CNOT4: variants seen among roughly 807,000 people sequenced by gnomAD.
CNOT4 encodes the protein CCR4-associated factor 4.
Under a neutral mutation model 73.8 loss-of-function variants are expected in CNOT4, and 8 were observed. The ratio of observed to expected loss-of-function variants is 0.11; its 90% confidence interval spans 0.06 to 0.20. The LOEUF is 0.20. CNOT4 is among the 10% of genes least tolerant of loss of function. The probability of loss-of-function intolerance (pLI) is 1.00; values close to 1 mark genes in which losing one functional copy is unlikely to be tolerated. For missense variants in CNOT4, 564 were observed against 883.4 expected, an observed-to-expected ratio of 0.64 and a Z score of 4.58; for synonymous variants, 293 against 321.1, an observed-to-expected ratio of 0.91 and a Z score of 0.94.
At chr7:135,498,929 C>G (rs545210198) in intron 1 of CNOT4, among the ~76,000 whole-genome samples, 1 of 152,278 alleles carries the variant, frequency 6.6e-6, no homozygotes, top group East Asian at 1.9e-4. Flanking sequence ...AAGCATTTAA[C>G]TCATATAGGT....
chr7:135,431,641 G>A lies in CNOT4; in HGVS notation c.174+6517C>T, dbSNP rs541104158. ...GCCTGTAGTCCCAGCTACTCCAGAG[G>A]CTGAGGCAGGAGAATCACTTGAACC... On this transcript the variant is annotated intron_variant, in intron 2 of 11. Transcript: ENST00000541284. Among the ~76,000 whole-genome samples, 90 of 152,094 alleles carry A rather than the reference G, an allele frequency of 5.9e-4. 1 individual carries two copies. The highest frequency in any genetic ancestry group is 1.8e-3 in the African/African-American group (76 of 41,476).
chr7:135,435,838 C>G (rs1409683191), intron 2 of CNOT4, among the ~76,000 whole-genome samples: 1 of 152,174 alleles, frequency 6.6e-6, no homozygotes, highest in Non-Finnish European at 1.5e-5. Context: ...CTAGTTCCTC[C>G]AGAATGTTTC....
At chr7:135,418,765 C>A (rs1798013756) in intron 3 of CNOT4, among the ~76,000 whole-genome samples, 1 of 152,116 alleles carries the variant, frequency 6.6e-6, no homozygotes, top group Admixed American at 6.6e-5. Flanking sequence ...TATGTGCTAC[C>A]TAGATAACAC....
At chr7:135,465,992 T>G (rs1024326817) in intron 1 of CNOT4, among the ~76,000 whole-genome samples, 8 of 151,880 alleles carry the variant, frequency 5.3e-5, no homozygotes, top group Admixed American at 1.3e-4. Flanking sequence ...GAGGTTGCAG[T>G]GAGTTGAGAC....
At chr7:135,415,671 TAA>T (rs143955694) in intron 3 of CNOT4, among the ~76,000 whole-genome samples, 2,207 of 152,250 alleles carry the variant, frequency 0.014, 20 homozygotes, top group Non-Finnish European at 0.022. Context: ...GTATTAAAGG[TAA>T]AGACAGAATT....
At chr7:135,398,290 C>T (rs1419037744) in intron 7 of CNOT4, 64 bp from the exon 8 acceptor site, 5 of 836,142 alleles carry the variant, frequency 6.0e-6, no homozygotes, top group African/African-American at 1.8e-5. Flanking sequence ...TAAAAACAAA[C>T]TCCTCAAAAG....
rs570469095 is a variant in CNOT4, at chr7:135,430,357, G to A, written c.174+7801C>T. ...AAAGGTGATTTAAAAATTAACATAG[G>A]CCAGACGTAGTGGTTCGTGCCTATA... is the stretch of plus-strand genomic sequence containing the variant. On this transcript the variant is annotated intron_variant, in intron 2 of 11. Coordinates refer to ENST00000541284, the MANE Select transcript of CNOT4 (RefSeq NM_001190850.2). 5.6e-4 allele frequency among the ~76,000 whole-genome samples: 85 copies of A among 152,274 alleles called. 1 individual carries two copies. The highest frequency in any genetic ancestry group is 1.7e-3 in the African/African-American group (71 of 41,568).
chr7:135,491,911 A>G (rs563568152), intron 1 of CNOT4, among the ~76,000 whole-genome samples: 3 of 152,346 alleles, frequency 2.0e-5, no homozygotes, highest in Middle Eastern at 3.4e-3. Flanking sequence ...CAGTTCATTA[A>G]TGCATTAATC....
At chr7:135,438,476 C>A in intron 1 of CNOT4, 53 bp from the exon 2 acceptor site, 2 of 550,332 alleles carry the variant, frequency 3.6e-6, no homozygotes, top group Non-Finnish European at 5.8e-6. Flanking sequence ...ATGGCACAGT[C>A]AACAATTAAG....
In CNOT4 at chr7:135,485,361, C is replaced by T. The variant is rs140182825; in HGVS notation, c.-93+24528G>A. On this transcript the variant is annotated intron_variant, in intron 1 of 11. Coordinates refer to ENST00000541284, the MANE Select transcript of CNOT4 (RefSeq NM_001190850.2). Reference sequence around the variant, plus strand: ...CTGGGATTACAGGCTTGAGCCACCACAGCTGGCGGTTTTTTGTTTCTGTAG... The same window carrying T: ...CTGGGATTACAGGCTTGAGCCACCATAGCTGGCGGTTTTTTGTTTCTGTAG... 2.1e-3 allele frequency among the ~76,000 whole-genome samples: 326 copies of T among 152,298 alleles called. 1 individual carries two copies. Among genetic ancestry groups the T allele is most frequent in the African/African-American group, 7.0e-3 (292 of 41,564 alleles).
chr7:135,413,292 C>T (rs1360071853), intron 6 of CNOT4, among the ~76,000 whole-genome samples, 196 bp downstream of exon 6: 1 of 151,904 alleles, frequency 6.6e-6, no homozygotes, highest in Non-Finnish European at 1.5e-5. Flanking sequence ...ACTTAGTTGA[C>T]CACAGACACA....
At chr7:135,388,856 T>C (rs765248615) in intron 10 of CNOT4, 37 of 1,612,978 alleles carry the variant, frequency 2.3e-5, no homozygotes, top group Admixed American at 1.2e-4. Flanking sequence ...TGGGAAGAGG[T>C]TGACAGTGGC....
At chr7:135,465,817 G>T (rs1801184600) in intron 1 of CNOT4, among the ~76,000 whole-genome samples, 1 of 152,034 alleles carries the variant, frequency 6.6e-6, no homozygotes. Flanking sequence ...GGAGGCCGAG[G>T]CAGGTGGATC....
chr7:135,487,452 CT>C (rs1802803215), intron 1 of CNOT4, among the ~76,000 whole-genome samples: 1 of 151,884 alleles, frequency 6.6e-6, no homozygotes, highest in African/African-American at 2.4e-5. Flanking sequence ...GTTTCCCAGG[CT>C]TGTCTGGAAC....
chr7:135,485,608 A>G (rs1802667857), intron 1 of CNOT4, among the ~76,000 whole-genome samples: 2 of 152,258 alleles, frequency 1.3e-5, no homozygotes, highest in South Asian at 4.1e-4. Flanking sequence ...ATATGCCCAA[A>G]TGATTTTTCG....
intron 3 of CNOT4, among the ~76,000 whole-genome samples, chr7:135,415,948 T>G (rs926969157): frequency 6.6e-6 from 1 of 152,160 alleles, no homozygotes; most frequent in African/African-American, 2.4e-5. Flanking sequence ...TTCTTGGTGG[T>G]ACCTACGTAC....
At chr7:135,413,019 T>C (rs1204320963) in intron 6 of CNOT4, among the ~76,000 whole-genome samples, 1 of 152,050 alleles carries the variant, frequency 6.6e-6, no homozygotes, top group African/African-American at 2.4e-5. Flanking sequence ...AAAATAATAT[T>C]AGTTTATCAG....
intron 7 of CNOT4, among the ~76,000 whole-genome samples, chr7:135,400,164 A>G (rs77108916): frequency 0.011 from 1,639 of 152,160 alleles, 13 homozygotes; most frequent in Middle Eastern, 0.02. Flanking sequence ...TCCTGTGTCA[A>G]GGGTCAAAAT....
chr7:135,418,672 A>G (rs887523593), intron 3 of CNOT4, among the ~76,000 whole-genome samples: 1 of 152,188 alleles, frequency 6.6e-6, no homozygotes, highest in African/African-American at 2.4e-5. Flanking sequence ...TATTTGTAAA[A>G]TGAAATGTTG....
Sources: gnomAD v4.1 joint callset for allele counts (sites outside exome capture counted in the v4.1 genomes callset) on GRCh38, gnomAD v4.1.1 for gene constraint, MANE v1.5 for transcripts, NCBI Gene and HGNC (gene_info 2026-07-23, HGNC 2026-07-21) for gene names.